Variants in PPM1D observed in about 807,000 individuals in gnomAD.
PPM1D encodes the protein protein phosphatase, Mg2+/Mn2+ dependent 1D.
A neutral mutation model predicts 58.3 loss-of-function variants in PPM1D; 52 were observed. The observed-to-expected ratio is 0.89, with a 90% CI of 0.71 to 1.12. The LOEUF is 1.12. PPM1D is among the 50% of genes most tolerant of loss of function. PPM1D has a pLI of 0.00. For synonymous variants in PPM1D, 278 were observed against 285.1 expected, an observed-to-expected ratio of 0.98 and a Z score of 0.25; for missense variants, 564 against 777.2, an observed-to-expected ratio of 0.73 and a Z score of 3.26.
chr17:60,654,099 C>T (rs1413315682), intron 4 of PPM1D, among the ~76,000 whole-genome samples: 1 of 151,892 alleles, frequency 6.6e-6, no homozygotes, highest in Non-Finnish European at 1.5e-5. Flanking sequence ...GCATCCTTGT[C>T]TGTTTCAGTC....
chr17:60,602,728 T>TA (rs762323877), intron 1 of PPM1D, among the ~76,000 whole-genome samples: 2 of 150,340 alleles, frequency 1.3e-5, no homozygotes, highest in Non-Finnish European at 2.9e-5. Flanking sequence ...AGAAAAATGT[T>TA]AAAGTTTGTT....
At chr17:60,655,244 T>G (rs2031415069) in intron 4 of PPM1D, among the ~76,000 whole-genome samples, 1 of 152,250 alleles carries the variant, frequency 6.6e-6, no homozygotes, top group Non-Finnish European at 1.5e-5. Context: ...GCAGAATCTC[T>G]TATGTTAGAA....
At chr17:60,643,803 C>T (rs2031183015) in intron 3 of PPM1D, among the ~76,000 whole-genome samples, 1 of 151,844 alleles carries the variant, frequency 6.6e-6, no homozygotes, top group African/African-American at 2.4e-5. Flanking sequence ...TTCATGAACC[C>T]CTGTAGAGCA....
chr17:60,648,385 CGT>C (rs1491327853), intron 4 of PPM1D, among the ~76,000 whole-genome samples: 20 of 145,118 alleles, frequency 1.4e-4, no homozygotes, highest in Admixed American at 7.4e-4. Flanking sequence ...TAAAATTTAT[CGT>C]TTTTTTTTTT....
intron 3 of PPM1D, among the ~76,000 whole-genome samples, chr17:60,646,600 T>C (rs1268083329): frequency 6.6e-6 from 1 of 152,222 alleles, no homozygotes; most frequent in Non-Finnish European, 1.5e-5. Context: ...GAAAAATTTA[T>C]ATTGTTTCAT....
At chr17:60,640,117 C>G (rs1454862092) in intron 3 of PPM1D, among the ~76,000 whole-genome samples, 2 of 152,190 alleles carry the variant, frequency 1.3e-5, no homozygotes, top group African/African-American at 4.8e-5. Flanking sequence ...TCAAGGAGTT[C>G]AAGACCAGCT....
At chr17:60,613,705 G>A (rs938530147) in intron 1 of PPM1D, among the ~76,000 whole-genome samples, 2 of 152,246 alleles carry the variant, frequency 1.3e-5, no homozygotes, top group Non-Finnish European at 2.9e-5. Context: ...CCCTGCACTC[G>A]GAGCGGCCAG....
chr17:60,613,280 C>T (rs2030498821), intron 1 of PPM1D, among the ~76,000 whole-genome samples: 1 of 151,832 alleles, frequency 6.6e-6, no homozygotes, highest in African/African-American at 2.4e-5. Context: ...ACAATGTATA[C>T]CTTTTGATGG....
intron 3 of PPM1D, among the ~76,000 whole-genome samples, chr17:60,642,850 A>G (rs908912447): frequency 2.0e-4 from 29 of 148,458 alleles, no homozygotes; most frequent in African/African-American, 7.2e-4. Flanking sequence ...GCGGATCACG[A>G]GGTCAGGAGA....
intron 3 of PPM1D, among the ~76,000 whole-genome samples, chr17:60,637,887 G>A (rs2143683042): frequency 6.6e-6 from 1 of 152,326 alleles, no homozygotes; most frequent in African/African-American, 2.4e-5. Context: ...TACCCTGGAA[G>A]CTAAGTGAAG....
Position 60,600,622 on chromosome 17 carries a change from G to A in PPM1D, c.208G>A (p.Val70Met). ...GGEVSGKGPA[V>M]AAREARDPLP... ...CGAAGTCTCGGGGAAAGGCCCAGCG[G>A]TGGCAGCCCGAGAGGCTCGCGACCC... Residue 70 changes from valine (V) to methionine (M), a missense_variant, in exon 1 of 6, where the codon GTG becomes ATG. Around this residue, in one of 7 missense-constraint regions of PPM1D, gnomAD observed 132 missense variants for 150.4 expected, o/e 0.88. Coordinates refer to ENST00000305921, the MANE Select transcript of PPM1D (RefSeq NM_003620.4). The A allele has an allele frequency of 6.4e-7, 1 of 1,561,128 alleles. No homozygotes were observed. Among genetic ancestry groups the A allele is most frequent in the Non-Finnish European group, 8.7e-7 (1 of 1,155,120 alleles).
rs368482843 is a variant in PPM1D, at chr17:60,600,695, G to A, written c.281G>A (p.Arg94His). ...ASPAPSRCCR[R>H]RSSVAFFAVC... Reference sequence around the variant, plus strand: ...CCGGCACCTAGCCGCTGCTGCCGCCGCCGTTCCTCCGTGGCCTTTTTCGCC... The same window carrying A: ...CCGGCACCTAGCCGCTGCTGCCGCCACCGTTCCTCCGTGGCCTTTTTCGCC... Residue 94 changes from arginine (R) to histidine (H), a missense_variant, in exon 1 of 6, where the codon CGC becomes CAC. Coordinates refer to ENST00000305921, the MANE Select transcript of PPM1D (RefSeq NM_003620.4). 6 of 1,595,780 alleles carry A rather than the reference G, an allele frequency of 3.8e-6. No individual in the cohort carries two copies. In the Admixed American group the frequency reaches 5.3e-5, roughly 14 times the overall value.
chr17:60,636,967 A>ATTT (rs5821296), intron 3 of PPM1D, among the ~76,000 whole-genome samples: 8 of 135,304 alleles, frequency 5.9e-5, no homozygotes, highest in African/African-American at 1.7e-4. Flanking sequence ...CCTACTCATG[A>ATTT]TTTTTTTTTT....
intron 5 of PPM1D, among the ~76,000 whole-genome samples, chr17:60,658,526 T>G (rs1225252105): frequency 6.6e-6 from 1 of 151,166 alleles, no homozygotes; most frequent in African/African-American, 2.4e-5. Context: ...TGCATGCCTG[T>G]AATCCCAGGT....
chr17:60,657,880 C>T (rs1045797463), intron 5 of PPM1D, among the ~76,000 whole-genome samples: 2 of 152,208 alleles, frequency 1.3e-5, no homozygotes, highest in Middle Eastern at 3.4e-3. Context: ...GCTGGGATTA[C>T]AGGTGCCCGC....
At chr17:60,636,823 A>G (rs574929715) in intron 3 of PPM1D, among the ~76,000 whole-genome samples, 1 of 152,016 alleles carries the variant, frequency 6.6e-6, no homozygotes, top group Non-Finnish European at 1.5e-5. Context: ...CTACAGGTGC[A>G]TGCCATCACA....
At chr17:60,650,151 A>T (rs1010400355) in intron 4 of PPM1D, among the ~76,000 whole-genome samples, 3 of 152,234 alleles carry the variant, frequency 2.0e-5, no homozygotes, top group African/African-American at 7.2e-5. Context: ...GACGATAGAA[A>T]ACTTCACAAG....
intron 1 of PPM1D, among the ~76,000 whole-genome samples, chr17:60,621,927 C>T (rs1224417250): frequency 7.3e-5 from 11 of 149,952 alleles, no homozygotes; most frequent in African/African-American, 2.4e-4. Context: ...GTGGCTCACG[C>T]CTGTAATCCC....
chr17:60,641,151 A>G (rs1255130815), intron 3 of PPM1D, among the ~76,000 whole-genome samples: 1 of 152,184 alleles, frequency 6.6e-6, no homozygotes, highest in Non-Finnish European at 1.5e-5. Flanking sequence ...TGGTAGTTCT[A>G]AGTTCTTTGA....
Sources: gnomAD v4.1 joint callset for allele counts (sites outside exome capture counted in the v4.1 genomes callset) on GRCh38, gnomAD v4.1.1 for gene constraint, gnomAD v4.1.1 regional missense constraint, MANE v1.5 for transcripts, NCBI Gene and HGNC (gene_info 2026-07-23, HGNC 2026-07-21) for gene names.